SLC12A8: variants seen among roughly 807,000 people sequenced by gnomAD.
SLC12A8 encodes solute carrier family 12 member 8.
In SLC12A8, 69 loss-of-function variants were observed where a neutral mutation model predicts 75.6. The ratio of observed to expected loss-of-function variants is 0.91; its 90% CI spans 0.75 to 1.11. SLC12A8 has a LOEUF of 1.11. SLC12A8 is among the 50% of genes most tolerant of loss of function. The probability of loss-of-function intolerance (pLI) is 0.00; values close to 1 mark genes in which losing one functional copy is unlikely to be tolerated. For synonymous variants in SLC12A8, 365 were observed against 372.8 expected (o/e 0.98, Z 0.24); for missense variants, 877 against 896.7 (o/e 0.98, Z 0.28).
At position 125,164,081 on chromosome 3, in the gene SLC12A8, T is replaced by G. The variant is rs1280832153; in HGVS notation, c.622+13662A>C. ...ATTTCCTGCTTCCCCTTAAAGAGGCTCACCTCTAACAGTTTTAACCAGGCA... is the reference window on the plus strand; with the variant it reads ...ATTTCCTGCTTCCCCTTAAAGAGGCGCACCTCTAACAGTTTTAACCAGGCA... On this transcript the variant is annotated intron_variant, in intron 5 of 13. Transcript: ENST00000469902. Among the ~76,000 whole-genome samples, 4 of 152,178 alleles carry G rather than the reference T, an allele frequency of 2.6e-5. No homozygotes were observed. In the East Asian group the frequency reaches 7.7e-4, roughly 29 times the overall value.
At chr3:125,211,458 C>T (rs1935336060) in intron 1 of SLC12A8, 64 bp from the exon 2 acceptor site, 2 of 882,968 alleles carry the variant, frequency 2.3e-6, no homozygotes, top group African/African-American at 1.6e-5. Context: ...GTTGTCCATC[C>T]TTTCTCTCTA....
At chr3:125,200,317 T>C (rs766213359) in intron 2 of SLC12A8, among the ~76,000 whole-genome samples, 16 of 152,064 alleles carry the variant, frequency 1.1e-4, no homozygotes, top group Non-Finnish European at 1.9e-4. Context: ...GGCATGGTGG[T>C]GTGCCCTTGT....
At chr3:125,119,950 G>C (rs548525149) in intron 7 of SLC12A8, 1 of 456,228 alleles carries the variant, frequency 2.2e-6, no homozygotes, top group Admixed American at 2.4e-5. Context: ...AGGTTACCCA[G>C]CCTGCTTGTG....
intron 5 of SLC12A8, among the ~76,000 whole-genome samples, chr3:125,173,816 C>G (rs897067638): frequency 6.6e-6 from 1 of 152,210 alleles, no homozygotes; most frequent in African/African-American, 2.4e-5. Context: ...AGTGGCCGGG[C>G]GCAGTGGCTC....
At chr3:125,189,606 G>A (rs1168382562) in intron 3 of SLC12A8, among the ~76,000 whole-genome samples, 5 of 152,236 alleles carry the variant, frequency 3.3e-5, no homozygotes, top group Admixed American at 3.3e-4. Context: ...GAGGGCCCAG[G>A]CCATGTCTTG....
intron 5 of SLC12A8, among the ~76,000 whole-genome samples, chr3:125,172,249 G>A (rs1443762383): frequency 4.0e-5 from 6 of 149,166 alleles, no homozygotes. Context: ...ACTCCGGCCT[G>A]GGTGACAAGC....
At chr3:125,113,322 TA>T (rs1939231128) in intron 8 of SLC12A8, among the ~76,000 whole-genome samples, 1 of 152,174 alleles carries the variant, frequency 6.6e-6, no homozygotes, top group Admixed American at 6.5e-5. Flanking sequence ...CTTACCACTT[TA>T]AAAAAATATA....
chr3:125,107,936 T>C lies in SLC12A8; in HGVS notation c.1250A>G (p.Glu417Gly). Residue 417 changes from glutamate to glycine, a missense_variant, in exon 10 of 14, where the codon GAG becomes GGG. Coordinates refer to ENST00000469902, the MANE Select transcript of SLC12A8 (RefSeq NM_024628.6). Reference protein sequence around the residue: ...MCSCSLTPVPEPVLREGAEGL... With the variant: ...MCSCSLTPVPGPVLREGAEGL... Reference sequence around the variant, plus strand: ...TTCTGCGCCCTCCCTGAGCACCGGCTCAGGCACCGGGGTCAGGCTGCAGGA... The same window carrying C: ...TTCTGCGCCCTCCCTGAGCACCGGCCCAGGCACCGGGGTCAGGCTGCAGGA... 1 of 1,614,096 alleles carries C rather than the reference T, an allele frequency of 6.2e-7. No homozygotes were observed. The highest frequency in any genetic ancestry group is 8.5e-7 in the Non-Finnish European group (1 of 1,180,016).
chr3:125,187,700 G>C (rs779545587), intron 3 of SLC12A8, among the ~76,000 whole-genome samples: 32 of 152,096 alleles, frequency 2.1e-4, no homozygotes, highest in Non-Finnish European at 4.1e-4. Flanking sequence ...ATGCCCTCAC[G>C]AGGTGCCTCC....
chr3:125,140,713 T>C (rs1028513800), intron 5 of SLC12A8, among the ~76,000 whole-genome samples: 1 of 152,040 alleles, frequency 6.6e-6, no homozygotes, highest in African/African-American at 2.4e-5. Flanking sequence ...TTTTTTCTTT[T>C]CTTTCTTTCC....
intron 2 of SLC12A8, among the ~76,000 whole-genome samples, chr3:125,192,926 A>G (rs574951054): frequency 6.6e-6 from 1 of 152,352 alleles, no homozygotes; most frequent in Non-Finnish European, 1.5e-5. Context: ...TAAGCCCAGC[A>G]AGAGACAGAG....
intron 2 of SLC12A8, among the ~76,000 whole-genome samples, 161 bp from the exon 3 acceptor site, chr3:125,190,682 TACAC>T: frequency 6.6e-6 from 1 of 152,226 alleles, no homozygotes; most frequent in Admixed American, 6.5e-5. Flanking sequence ...TGCATGCACA[TACAC>T]ACACATGCGC....
intron 8 of SLC12A8, among the ~76,000 whole-genome samples, chr3:125,114,557 T>C (rs1346284658): frequency 1.3e-5 from 2 of 152,144 alleles, no homozygotes; most frequent in African/African-American, 4.8e-5. Flanking sequence ...CTCGAGTAGC[T>C]GGAACTACAG....
At position 125,149,654 on chromosome 3, in the gene SLC12A8, T is replaced by A. The variant is rs1232820158; in HGVS notation, c.623-13872A>T. 2.0e-5 allele frequency among the ~76,000 whole-genome samples: 3 copies of A among 151,350 alleles called. No homozygotes were observed. In the East Asian group the frequency reaches 5.8e-4, roughly 29 times the overall value. Reference sequence around the variant, plus strand: ...GAAAATATTCAACAGGTAGAACAAGTCAAAGAACATGCTTTGCTTCCTATT... The same window carrying A: ...GAAAATATTCAACAGGTAGAACAAGACAAAGAACATGCTTTGCTTCCTATT... On this transcript the variant is annotated intron_variant, in intron 5 of 13. Transcript: ENST00000469902.
At position 125,108,001 on chromosome 3, in the gene SLC12A8, G is replaced by A. The variant is rs765091236; in HGVS notation, c.1185C>T (p.Tyr395=). The A allele has an allele frequency of 1.5e-5, 25 of 1,614,036 alleles. No individual in the cohort carries two copies. The highest frequency in any genetic ancestry group is 4.0e-5 in the African/African-American group (3 of 74,926). The change falls in exon 10 of 14, where the codon TAC becomes TAT. Residue 395 remains tyrosine, a synonymous_variant. Coordinates refer to ENST00000469902, the MANE Select transcript of SLC12A8 (RefSeq NM_024628.6). The stretch of plus-strand genomic sequence containing the variant: ...AGAAGTAAGAGTAGTCCACTGCAAC[G>A]TATGTCAGCATGAAGTTGATGGTGA... ...PIVTINFMLT[Y]VAVDYSYFSL...
intron 6 of SLC12A8, among the ~76,000 whole-genome samples, chr3:125,123,218 T>G (rs6791617): frequency 0.31 from 46,383 of 151,298 alleles, 7,490 homozygotes; most frequent in Non-Finnish European, 0.34. Flanking sequence ...CTACTAAAAA[T>G]GCAAAAAGTA....
chr3:125,143,191 T>G (rs1933690177), intron 5 of SLC12A8, among the ~76,000 whole-genome samples: 1 of 152,254 alleles, frequency 6.6e-6, no homozygotes, highest in South Asian at 2.1e-4. Flanking sequence ...GGAGTCCAGA[T>G]AGTATCAAGT....
At chr3:125,118,708 G>T in intron 8 of SLC12A8, 61 bp downstream of exon 8, 1 of 1,264,580 alleles carries the variant, frequency 7.9e-7, no homozygotes, top group Non-Finnish European at 1.1e-6. Context: ...CCATTTGTTG[G>T]TGAGAACAAA....
intron 5 of SLC12A8, among the ~76,000 whole-genome samples, chr3:125,145,682 A>T (rs545557554): frequency 1.3e-5 from 2 of 152,200 alleles, no homozygotes; most frequent in Non-Finnish European, 2.9e-5. Context: ...TTTTTCCTAT[A>T]TATACATACC....
Sources: gnomAD v4.1 joint callset for allele counts (sites outside exome capture counted in the v4.1 genomes callset) on GRCh38, gnomAD v4.1.1 for gene constraint, MANE v1.5 for transcripts, NCBI Gene and HGNC (gene_info 2026-07-23, HGNC 2026-07-21) for gene names.